IMMP2L: variants seen among roughly 807,000 people sequenced by gnomAD.
The protein encoded by IMMP2L is mitochondrial inner membrane protease subunit 2.
Under a neutral mutation model 19.3 loss-of-function variants are expected in IMMP2L, and 18 were observed. That is an observed-to-expected ratio of 0.93 (90% CI 0.64 to 1.38). The LOEUF (loss-of-function observed/expected upper bound fraction) is 1.38. Among genes scored for constraint, IMMP2L ranks in the 40% most tolerant of loss-of-function variants. IMMP2L has a pLI of 0.00. For synonymous variants in IMMP2L, 76 were observed against 73.0 expected (o/e 1.04, Z -0.21); for missense variants, 233 against 218.2 (o/e 1.07, Z -0.43).
chr7:111,206,057 A>G (rs781696982), intron 3 of IMMP2L, among the ~76,000 whole-genome samples: 1 of 152,202 alleles, frequency 6.6e-6, no homozygotes, highest in Non-Finnish European at 1.5e-5. Flanking sequence ...CTCTAAAGAC[A>G]TCCCAATGAT....
intron 3 of IMMP2L, among the ~76,000 whole-genome samples, chr7:111,370,925 T>A (rs1830207813): frequency 6.6e-6 from 1 of 151,960 alleles, no homozygotes; most frequent in Non-Finnish European, 1.5e-5. Context: ...TACCTGGTGT[T>A]TTTCAGCCTC....
intron 5 of IMMP2L, among the ~76,000 whole-genome samples, chr7:110,823,326 TA>T (rs1186419889): frequency 6.6e-6 from 1 of 152,042 alleles, no homozygotes; most frequent in Non-Finnish European, 1.5e-5. Flanking sequence ...TAGTTGCATA[TA>T]CAGTAGACAC....
rs140335876 is a variant in IMMP2L, at chr7:110,767,263, CA to C, written c.409-103543del. ...TTTGCAAAATGGAAAAGATTGATGACAGACACAAGCAAACAGAACCAGAAAG... is the reference window on the plus strand; with the variant it reads ...TTTGCAAAATGGAAAAGATTGATGACGACACAAGCAAACAGAACCAGAAAG... On this transcript the variant is annotated intron_variant, in intron 5 of 5. Transcript: ENST00000405709. Among the ~76,000 whole-genome samples, 18 of 152,208 alleles carry C rather than the reference CA, an allele frequency of 1.2e-4. No individual in the cohort carries two copies. The East Asian group carries it at 3.5e-3, about 29-fold the overall frequency.
chr7:111,560,121 T>C (rs1207952597), intron 1 of IMMP2L, among the ~76,000 whole-genome samples: 1 of 152,182 alleles, frequency 6.6e-6, no homozygotes, highest in African/African-American at 2.4e-5. Context: ...TGTGTATATA[T>C]GGAACAAAAA....
At chr7:111,418,497 A>T (rs918066145) in intron 3 of IMMP2L, among the ~76,000 whole-genome samples, 4 of 151,740 alleles carry the variant, frequency 2.6e-5, no homozygotes, top group Admixed American at 6.6e-5. Context: ...TCTGGACCTA[A>T]TCTGATATCT....
chr7:111,537,155 A>C (rs1450160259), intron 1 of IMMP2L, among the ~76,000 whole-genome samples: 2 of 152,188 alleles, frequency 1.3e-5, no homozygotes, highest in Non-Finnish European at 2.9e-5. Context: ...GATATTGAAC[A>C]TTAAGCATTG....
chr7:111,181,193 A>G lies in IMMP2L; in HGVS notation c.240-217628T>C, dbSNP rs1237390201. On this transcript the variant is annotated intron_variant, in intron 3 of 5. Coordinates refer to ENST00000405709, the MANE Select transcript of IMMP2L (RefSeq NM_032549.4). ...AGGAGCCACTTAATATGAAAGATTT[A>G]ACATCACTGAGCCTAATTTCCTCTG... Among the ~76,000 whole-genome samples, 3 of 152,166 alleles carry G rather than the reference A, an allele frequency of 2.0e-5. No individual in the cohort carries two copies. In the East Asian group the frequency reaches 5.8e-4, roughly 29 times the overall value.
chr7:111,173,934 T>TA (rs1256205105), intron 3 of IMMP2L, among the ~76,000 whole-genome samples: 2 of 151,752 alleles, frequency 1.3e-5, no homozygotes, highest in Non-Finnish European at 3.0e-5. Context: ...ACAGTGAAGT[T>TA]AAATATATTA....
rs971154061 is a variant in IMMP2L at position 110,695,479 on chromosome 7, C to A, written c.409-31758G>T. Reference sequence around the variant, plus strand: ...AGTGCTGGGATTACAGGCATGTAATCCACTGTGCCCAGCCAGAAATGTTCA... The same window carrying A: ...AGTGCTGGGATTACAGGCATGTAATACACTGTGCCCAGCCAGAAATGTTCA... On this transcript the variant is annotated intron_variant, in intron 5 of 5. Coordinates refer to ENST00000405709, the MANE Select transcript of IMMP2L (RefSeq NM_032549.4). 2.0e-5 allele frequency among the ~76,000 whole-genome samples: 3 copies of A among 152,154 alleles called. No homozygotes were observed. In the Middle Eastern group the frequency reaches 0.01, roughly 518 times the overall value.
rs2131335879 is a variant in IMMP2L at position 111,392,046 on chromosome 7, CA to C, written c.239+95191del. 2.9e-6 allele frequency: 2 copies of C among 699,274 alleles called. 1 individual carries two copies. The highest frequency in any genetic ancestry group is 4.0e-5 in the Admixed American group (2 of 49,546). 43.3% of individuals were successfully genotyped at this position (699,274 alleles called of 1,614,324 possible). On this transcript the variant is annotated intron_variant, in intron 3 of 5. Transcript: ENST00000405709. ...TTTGTATATGCAAATTCTTCATTAC[CA>C]GCTTGATTGCATTTATATCCAGCAT...
At chr7:111,476,136 C>T (rs892939329) in intron 3 of IMMP2L, among the ~76,000 whole-genome samples, 1 of 152,034 alleles carries the variant, frequency 6.6e-6, no homozygotes, top group African/African-American at 2.4e-5. Flanking sequence ...GCAGATGATG[C>T]AATTGATCCA....
intron 3 of IMMP2L, among the ~76,000 whole-genome samples, chr7:111,480,979 T>G (rs1313854871): frequency 6.6e-6 from 1 of 152,134 alleles, no homozygotes; most frequent in African/African-American, 2.4e-5. Context: ...CGTTTTTCTT[T>G]TTTCAAATGC....
intron 3 of IMMP2L, among the ~76,000 whole-genome samples, chr7:111,268,188 C>A (rs1818026664): frequency 6.6e-6 from 1 of 152,002 alleles, no homozygotes; most frequent in Admixed American, 6.6e-5. Context: ...ATATATTATT[C>A]CCCCCAAGAC....
At chr7:110,696,986 T>A (rs1331105681) in intron 5 of IMMP2L, among the ~76,000 whole-genome samples, 1 of 152,136 alleles carries the variant, frequency 6.6e-6, no homozygotes, top group African/African-American at 2.4e-5. Flanking sequence ...GGAGACATCC[T>A]TAAAGGTATG....
intron 3 of IMMP2L, among the ~76,000 whole-genome samples, chr7:110,994,285 G>C (rs1822806442): frequency 6.6e-6 from 1 of 151,900 alleles, no homozygotes; most frequent in African/African-American, 2.4e-5. Flanking sequence ...AACTGTTCCT[G>C]GGGTTCTTTT....
chr7:111,157,038 T>G (rs1216766199), intron 3 of IMMP2L, among the ~76,000 whole-genome samples: 2 of 152,052 alleles, frequency 1.3e-5, no homozygotes, highest in African/African-American at 4.8e-5. Context: ...CATCACACTC[T>G]AGTTCAAATG....
chr7:110,825,613 C>T (rs1056682680), intron 5 of IMMP2L, among the ~76,000 whole-genome samples: 7 of 152,098 alleles, frequency 4.6e-5, no homozygotes, highest in Non-Finnish European at 8.8e-5. Flanking sequence ...ATAAATGGTG[C>T]TAGGAAAACT....
chr7:111,538,803 A>C (rs1471522717), intron 1 of IMMP2L, among the ~76,000 whole-genome samples: 1 of 128,996 alleles, frequency 7.8e-6, no homozygotes, highest in Non-Finnish European at 1.6e-5. Context: ...GAGCAATGAG[A>C]CCCTGGCTCA....
At chr7:111,291,596 T>C (rs1821112194) in intron 3 of IMMP2L, among the ~76,000 whole-genome samples, 1 of 152,064 alleles carries the variant, frequency 6.6e-6, no homozygotes, top group Non-Finnish European at 1.5e-5. Context: ...TAATGATGGT[T>C]ATCAGGGGCC....
Sources: gnomAD v4.1 joint callset for allele counts (sites outside exome capture counted in the v4.1 genomes callset) on GRCh38, gnomAD v4.1.1 for gene constraint, MANE v1.5 for transcripts, NCBI Gene and HGNC (gene_info 2026-07-23, HGNC 2026-07-21) for gene names.